The following SLC25A25 variants were observed in gnomAD, a reference collection of about 807,000 sequenced individuals.
SLC25A25 encodes the protein mitochondrial adenyl nucleotide antiporter SLC25A25.
Under a neutral mutation model 57.7 loss-of-function variants are expected in SLC25A25, and 32 were observed. The observed-to-expected ratio is 0.55, with a 90% CI of 0.42 to 0.74. The LOEUF (loss-of-function observed/expected upper bound fraction) is 0.74. Among genes scored for constraint, SLC25A25 ranks in the 30% least tolerant of loss-of-function variants. SLC25A25 has a pLI of 0.00. For missense variants in SLC25A25, 556 were observed against 701.3 expected (o/e 0.79, Z 2.34); for synonymous variants, 306 against 291.2 (o/e 1.05, Z -0.52).
rs1219047424 is a variant in SLC25A25, at chr9:128,068,416, G to T, written c.97G>T (p.Gly33Trp). 6.4e-7 allele frequency: 1 copy of T among 1,561,760 alleles called. No individual in the cohort carries two copies. Among genetic ancestry groups the T allele is most frequent in the East Asian group, 2.4e-5 (1 of 41,270 alleles). ...SSSASSPASV[G>W]DPCGGAICGG... ...GTCTGCCTCATCGCCGGCGTCCGTG[G>T]GGGACCCCTGCGGCGGCGCTATCTG... The change falls in exon 1 of 11, where the codon GGG becomes TGG. Residue 33 changes from glycine to tryptophan, a missense_variant. Around this residue, in one of 3 missense-constraint regions of SLC25A25, gnomAD observed 248 missense variants for 273.5 expected, o/e 0.91. Coordinates refer to ENST00000373069, the MANE Select transcript of SLC25A25 (RefSeq NM_001330988.2).
chr9:128,100,797 G>A, intron 1 of SLC25A25: 2 of 375,442 alleles, frequency 5.3e-6, no homozygotes, highest in East Asian at 5.9e-5. Context: ...GTGCCCAGCT[G>A]TCCCTGTCGG....
Position 128,099,251 on chromosome 9 carries a change from A to G in SLC25A25, c.262-1845A>G. On this transcript the variant is annotated intron_variant, in intron 1 of 10. Transcript: ENST00000373069. This position sits in a 1 kb window ranked among gnomAD's most constrained non-coding sequence, Gnocchi z 6.8. ...CCCTTGCCACCTCGGCTTCTCGGTT[A>G]ATCAGTTTCCCTGCTACCCCCAGTG... 7.8e-7 allele frequency: 1 copy of G among 1,289,000 alleles called. No individual in the cohort carries two copies. 79.8% of individuals were successfully genotyped at this position (1,289,000 alleles called of 1,614,324 possible). A position where few individuals can be genotyped will look rare whatever the true frequency, so the allele number is the denominator to read the frequency against.
At chr9:128,098,746 G>T (rs774254887) in intron 1 of SLC25A25, 6 of 1,612,428 alleles carry the variant, frequency 3.7e-6, no homozygotes, top group Non-Finnish European at 5.1e-6. Context: ...TGACCGCGCG[G>T]AAGGGAGAGG....
At chr9:128,100,732 C>T (rs7865503) in intron 1 of SLC25A25, 4,185 of 228,530 alleles carry the variant, frequency 0.018, 177 homozygotes, top group African/African-American at 0.09. Flanking sequence ...GGCGCTGCAG[C>T]GAAGCCACCC....
intron 1 of SLC25A25, among the ~76,000 whole-genome samples, chr9:128,073,591 C>T (rs1353409209): frequency 6.6e-6 from 1 of 152,142 alleles, no homozygotes; most frequent in Admixed American, 6.6e-5. Flanking sequence ...AAGAGATAGA[C>T]ATTATTCGCT....
chr9:128,085,703 G>A (rs185650777), intron 1 of SLC25A25, among the ~76,000 whole-genome samples: 1 of 151,878 alleles, frequency 6.6e-6, no homozygotes, highest in Non-Finnish European at 1.5e-5. Context: ...TCTAATATAG[G>A]TATTTCCTTC....
In SLC25A25 at chr9:128,106,532, G is replaced by A; in HGVS notation, c.1212+12G>A. 6.3e-7 allele frequency: 1 copy of A among 1,582,476 alleles called. No homozygotes were observed. Among genetic ancestry groups the A allele is most frequent in the East Asian group, 2.2e-5 (1 of 44,674 alleles). On this transcript the variant is annotated intron_variant, in intron 9 of 10. Transcript: ENST00000373069. Reference sequence around the variant, plus strand: ...TTGCAGTCTACGAGGTGAGGCCCAAGCTGGACAGATTTAGAAACCTCCTCC... The same window carrying A: ...TTGCAGTCTACGAGGTGAGGCCCAAACTGGACAGATTTAGAAACCTCCTCC...
chr9:128,090,445 C>T (rs1833375769), intron 1 of SLC25A25, among the ~76,000 whole-genome samples: 2 of 151,436 alleles, frequency 1.3e-5, no homozygotes, highest in Non-Finnish European at 2.9e-5. Flanking sequence ...ACTCCGCCTG[C>T]CTTGGCCTCC....
intron 1 of SLC25A25, among the ~76,000 whole-genome samples, chr9:128,092,666 G>A (rs974642133): frequency 6.6e-6 from 1 of 152,176 alleles, no homozygotes; most frequent in Non-Finnish European, 1.5e-5. Flanking sequence ...CTGCGGGTCT[G>A]CCAACTGTGG....
In SLC25A25 at chr9:128,099,403, T is replaced by C. The variant is rs1459923369; in HGVS notation, c.262-1693T>C. On this transcript the variant is annotated intron_variant, in intron 1 of 10. Transcript: ENST00000373069. The surrounding 1 kb of genome is among the most constrained non-coding windows in gnomAD (Gnocchi z 6.8). The stretch of plus-strand genomic sequence containing the variant: ...CAGCTGCGGTGAGCACACCCTCTGC[T>C]CTGGGTGTCTGCGACAGCACCCACC... 11 of 1,154,538 alleles carry C rather than the reference T, an allele frequency of 9.5e-6. No homozygotes were observed. Among genetic ancestry groups the C allele is most frequent in the Non-Finnish European group, 1.2e-5 (11 of 922,796 alleles). 71.5% of individuals were successfully genotyped at this position (1,154,538 alleles called of 1,614,324 possible).
chr9:128,085,017 G>T (rs955746568), intron 1 of SLC25A25, among the ~76,000 whole-genome samples: 1 of 152,100 alleles, frequency 6.6e-6, no homozygotes, highest in Non-Finnish European at 1.5e-5. Context: ...AATCAAAGAC[G>T]CAAGAAAAAT....
At chr9:128,098,924 G>C (rs1833672869) in intron 1 of SLC25A25, 2 of 985,368 alleles carry the variant, frequency 2.0e-6, no homozygotes, top group Non-Finnish European at 2.4e-6. Flanking sequence ...TCCCAGGAAG[G>C]CTGGAATTCC....
intron 1 of SLC25A25, among the ~76,000 whole-genome samples, chr9:128,076,695 C>T (rs1439718841): frequency 6.6e-6 from 1 of 151,694 alleles, no homozygotes; most frequent in African/African-American, 2.4e-5. Context: ...GTCTCGATCT[C>T]CTGACCTCGT....
rs745969374 is a variant in SLC25A25, at chr9:128,102,610, C to G, written c.624+129C>G. 5.3e-4 allele frequency: 370 copies of G among 697,434 alleles called. No homozygotes were observed. Among genetic ancestry groups the G allele is most frequent in the Non-Finnish European group, 8.0e-4 (332 of 415,474 alleles). 43.2% of individuals were successfully genotyped at this position (697,434 alleles called of 1,614,324 possible). On this transcript the variant is annotated intron_variant, in intron 5 of 10. Transcript: ENST00000373069. The surrounding 1 kb of genome is among the most constrained non-coding windows in gnomAD (Gnocchi z 4.1). Reference sequence around the variant, plus strand: ...CTCCTCTTCCACAGGAGACTGTCCCCTCTTCTGCCAGCCCAGTAGAGCTGT... The same window carrying G: ...CTCCTCTTCCACAGGAGACTGTCCCGTCTTCTGCCAGCCCAGTAGAGCTGT...
rs1440034589 is a variant in SLC25A25, at chr9:128,099,318, G to A, written c.262-1778G>A. ...GGGGATTTGCAGATCCAAGGAAGGA[G>A]ACAGAAGGAGGCCCAGGCCCTGTGA... On this transcript the variant is annotated intron_variant, in intron 1 of 10. Coordinates refer to ENST00000373069, the MANE Select transcript of SLC25A25 (RefSeq NM_001330988.2). The surrounding 1 kb of genome is among the most constrained non-coding windows in gnomAD (Gnocchi z 6.8). 1 of 1,273,604 alleles carries A rather than the reference G, an allele frequency of 7.9e-7. No individual in the cohort carries two copies. The highest frequency in any genetic ancestry group is 1.3e-5 in the South Asian group (1 of 79,432). The allele number at this position is 1,273,604 out of a possible 1,614,324, so 78.9% of individuals were successfully genotyped here. A position where few individuals can be genotyped will look rare whatever the true frequency, so the allele number is the denominator to read the frequency against.
intron 1 of SLC25A25, among the ~76,000 whole-genome samples, chr9:128,076,229 T>C (rs1484870053): frequency 6.6e-6 from 1 of 152,092 alleles, no homozygotes; most frequent in Non-Finnish European, 1.5e-5. Context: ...CCTCCCAGAC[T>C]CAATCTATCC....
intron 1 of SLC25A25, among the ~76,000 whole-genome samples, chr9:128,085,383 A>AG (rs1228766490): frequency 6.6e-6 from 1 of 152,000 alleles, no homozygotes; most frequent in Non-Finnish European, 1.5e-5. Flanking sequence ...CTGTAATCCA[A>AG]GGTGAGGAGG....
chr9:128,082,824 G>T (rs984224136), intron 1 of SLC25A25, among the ~76,000 whole-genome samples: 1 of 151,858 alleles, frequency 6.6e-6, no homozygotes, highest in Admixed American at 6.6e-5. Flanking sequence ...GTAGAGATGG[G>T]GTTTCACCAT....
At position 128,107,470 on chromosome 9, in the gene SLC25A25, A is replaced by G; in HGVS notation, c.*26A>G. ...CGGGGGGAGGGCCGCCCGGCAGTGG[A>G]CTCGCTGATCCTGGGCCGCAGCCTG... On this transcript the variant is annotated 3_prime_UTR_variant, in exon 11 of 11. Transcript: ENST00000373069. 1 of 1,503,624 alleles carries G rather than the reference A, an allele frequency of 6.7e-7. No individual in the cohort carries two copies. Among genetic ancestry groups the G allele is most frequent in the South Asian group, 1.4e-5 (1 of 73,102 alleles). 93.1% of individuals were successfully genotyped at this position (1,503,624 alleles called of 1,614,324 possible). A position where few individuals can be genotyped will look rare whatever the true frequency, so the allele number is the denominator to read the frequency against.
Sources: allele counts gnomAD v4.1 joint callset (sites outside exome capture counted in the v4.1 genomes callset), GRCh38; gene constraint gnomAD v4.1.1; regional missense constraint gnomAD v4.1.1; non-coding constraint Gnocchi (gnomAD v3.1); transcripts MANE v1.5; gene names NCBI Gene and HGNC (gene_info 2026-07-23, HGNC 2026-07-21).